TNRC6A: variants seen among roughly 807,000 people sequenced by gnomAD.
The protein encoded by TNRC6A is trinucleotide repeat containing adaptor 6A, also known as trinucleotide repeat-containing gene 6A protein.
A neutral mutation model predicts 221.2 loss-of-function variants in TNRC6A; 44 were observed. That is an observed-to-expected ratio of 0.20 (90% CI 0.16 to 0.26). TNRC6A has a LOEUF of 0.26. Ranked by LOEUF, TNRC6A falls within the 10% of genes least tolerant of loss-of-function variation. The probability of loss-of-function intolerance (pLI) is 1.00; values close to 1 mark genes in which losing one functional copy is unlikely to be tolerated. For synonymous variants in TNRC6A, 847 were observed against 838.5 expected, an observed-to-expected ratio of 1.01 and a Z score of -0.18; for missense variants, 2,199 against 2,404.4, an observed-to-expected ratio of 0.91 and a Z score of 1.79.
At chr16:24,757,707 A>C (rs1235936896) in intron 3 of TNRC6A, among the ~76,000 whole-genome samples, 1 of 152,212 alleles carries the variant, frequency 6.6e-6, no homozygotes, top group Non-Finnish European at 1.5e-5. Flanking sequence ...AGCAGAGTTC[A>C]TGTCAGTTCA....
At chr16:24,723,475 TC>T (rs1203542178) in intron 2 of TNRC6A, among the ~76,000 whole-genome samples, 3 of 151,904 alleles carry the variant, frequency 2.0e-5, no homozygotes, top group Non-Finnish European at 4.4e-5. Context: ...GAGTTTGTAA[TC>T]TCAGCTACCT....
chr16:24,820,479 A>T, intron 22 of TNRC6A, 119 bp downstream of exon 22: 1 of 868,874 alleles, frequency 1.2e-6, no homozygotes, highest in South Asian at 1.6e-5. Context: ...CATCAGGGGG[A>T]ATGAGAACTT....
chr16:24,647,874 G>C (rs1022281130), intron 2 of TNRC6A, among the ~76,000 whole-genome samples: 1 of 152,008 alleles, frequency 6.6e-6, no homozygotes, highest in Non-Finnish European at 1.5e-5. Flanking sequence ...GCCTCCCAAA[G>C]TGCTGGGATT....
intron 1 of TNRC6A, among the ~76,000 whole-genome samples, chr16:24,617,649 A>G (rs1484352086): frequency 2.6e-5 from 4 of 152,184 alleles, no homozygotes; most frequent in Non-Finnish European, 5.9e-5. Context: ...AGGTATTGAT[A>G]TTATACCCAT....
intron 4 of TNRC6A, among the ~76,000 whole-genome samples, chr16:24,771,573 TATG>T (rs1567449252): frequency 5.6e-4 from 56 of 99,346 alleles, no homozygotes; most frequent in Middle Eastern, 0.01. Flanking sequence ...TATGTTATGT[TATG>T]TTATGTTGTT....
chr16:24,762,641 A>G (rs2057388448), intron 4 of TNRC6A, among the ~76,000 whole-genome samples: 1 of 152,210 alleles, frequency 6.6e-6, no homozygotes, highest in Non-Finnish European at 1.5e-5. Context: ...ATACTAGCAC[A>G]AGGTAAGTTT....
intron 1 of TNRC6A, among the ~76,000 whole-genome samples, chr16:24,634,993 T>G (rs1901550787): frequency 6.6e-6 from 1 of 152,292 alleles, no homozygotes; most frequent in East Asian, 1.9e-4. Context: ...AGGGTCTTGC[T>G]ATGTTGCCCA....
chr16:24,808,550 A>T (rs1427447894), intron 17 of TNRC6A, among the ~76,000 whole-genome samples: 1 of 152,196 alleles, frequency 6.6e-6, no homozygotes, highest in Non-Finnish European at 1.5e-5. Flanking sequence ...AAAAATTGTC[A>T]ACTCCTGATC....
chr16:24,713,916 G>A (rs140884569), intron 2 of TNRC6A, among the ~76,000 whole-genome samples: 1 of 152,342 alleles, frequency 6.6e-6, no homozygotes, highest in African/African-American at 2.4e-5. Flanking sequence ...AAAGTGCTGG[G>A]ATTACAGGCG....
At position 24,806,232 on chromosome 16, in the gene TNRC6A, G is replaced by A. The variant is rs146019568; in HGVS notation, c.4278G>A (p.Ala1426=). The A allele has an allele frequency of 1.4e-5, 22 of 1,614,040 alleles. No homozygotes were observed. In the African/African-American group the frequency reaches 1.6e-4, roughly 12 times the overall value. The change falls in exon 16 of 25, where the codon GCG becomes GCA. Residue 1426 remains alanine (A), a synonymous_variant. Transcript: ENST00000395799. ...GATTGTTAGCGCAGCAGCAAAGGGC[G>A]CAGAGTCAGAGAAGCGTGCCTTCTG... ...LQRLLAQQQR[A]QSQRSVPSGN...
intron 10 of TNRC6A, among the ~76,000 whole-genome samples, 159 bp downstream of exon 10, chr16:24,797,729 T>A (rs2058248829): frequency 6.6e-6 from 1 of 152,234 alleles, no homozygotes; most frequent in Non-Finnish European, 1.5e-5. Context: ...TTTATGGTTT[T>A]AGCTAAAAAC....
chr16:24,808,189 G>GAA (rs1347401550), intron 17 of TNRC6A, among the ~76,000 whole-genome samples: 1 of 152,212 alleles, frequency 6.6e-6, no homozygotes, highest in East Asian at 1.9e-4. Flanking sequence ...ATCAGTGAAG[G>GAA]GAGCTGGCTC....
intron 2 of TNRC6A, among the ~76,000 whole-genome samples, chr16:24,747,862 TTGAAAA>T (rs931173089): frequency 3.9e-5 from 6 of 152,296 alleles, no homozygotes; most frequent in Admixed American, 6.5e-5. Flanking sequence ...TCAGAAAGTC[TTGAAAA>T]TGAAGTTTGA....
Position 24,790,732 on chromosome 16 carries a change from A to T in TNRC6A, c.2090A>T (p.Lys697Ile). The change falls in exon 6 of 25, where the codon AAA (lysine) becomes ATA (isoleucine). Residue 697 changes from lysine to isoleucine, a missense_variant. Around this residue, in one of 8 missense-constraint regions of TNRC6A, gnomAD observed 1,405 missense variants for 1,400.2 expected, o/e 1.00. Transcript: ENST00000395799. ...TGESQSRDRR[K>I]IDQHTLLQSI... is the part of the protein sequence containing the mutation. ...GAAAGTCAGAGTAGAGACAGAAGAA[A>T]AATTGATCAGCACACATTACTCCAA... 1 of 1,614,134 alleles carries T rather than the reference A, an allele frequency of 6.2e-7. No individual in the cohort carries two copies. Among genetic ancestry groups the T allele is most frequent in the South Asian group, 1.1e-5 (1 of 91,074 alleles).
rs1285686370 is a variant in TNRC6A at position 24,793,568 on chromosome 16, T to G, written c.3271T>G (p.Trp1091Gly). The part of the protein sequence containing the change: ...WGKPIDSGPS[W>G]GEPIAAASST... The stretch of plus-strand genomic sequence containing the variant: ...TAAGCCCATAGACAGTGGTCCCAGC[T>G]GGGGGGAACCCATTGCTGCGGCATC... Residue 1091 changes from tryptophan (W) to glycine (G), a missense_variant, in exon 7 of 25, where the codon TGG becomes GGG. This residue lies in a region of TNRC6A where 1,405 missense variants were observed against 1,400.2 expected (regional missense o/e 1.00). Coordinates refer to ENST00000395799, the MANE Select transcript of TNRC6A (RefSeq NM_014494.4). 4 of 1,572,502 alleles carry G rather than the reference T, an allele frequency of 2.5e-6. No individual in the cohort carries two copies. Among genetic ancestry groups the G allele is most frequent in the Non-Finnish European group, 3.5e-6 (4 of 1,158,634 alleles).
In TNRC6A at chr16:24,663,440, C is replaced by T. The variant is rs148385179; in HGVS notation, n.402+22431C>T. 991 of 155,728 alleles carry T rather than the reference C, an allele frequency of 6.4e-3. 7 individuals carry two copies. The highest frequency in any genetic ancestry group is 0.01 in the Non-Finnish European group (709 of 69,938). 9.6% of individuals were successfully genotyped at this position (155,728 alleles called of 1,614,324 possible). A position where few individuals can be genotyped will look rare whatever the true frequency, so the allele number is the denominator to read the frequency against. On this transcript the variant is annotated intron_variant and non_coding_transcript_variant, in intron 2 of 2. Coordinates refer to the TNRC6A transcript ENST00000566108. The stretch of plus-strand genomic sequence containing the variant: ...GCATGGTGGTTGGCACCTGTAATCC[C>T]AGCTCCTTGGGAGGCTGAAGCAGAA...
chr16:24,698,021 C>CAAAAAAAA (rs1290086269), intron 2 of TNRC6A, among the ~76,000 whole-genome samples: 1 of 78,542 alleles, frequency 1.3e-5, no homozygotes. Flanking sequence ...GGCTCTGTCT[C>CAAAAAAAA]AAAAAAAAAA....
chr16:24,745,235 T>G (rs1174139820), intron 2 of TNRC6A, among the ~76,000 whole-genome samples: 1 of 152,216 alleles, frequency 6.6e-6, no homozygotes, highest in Admixed American at 6.5e-5. Context: ...ATCTCCAACT[T>G]CCTTACCTAT....
intron 4 of TNRC6A, among the ~76,000 whole-genome samples, chr16:24,775,765 G>A (rs1207910133): frequency 6.6e-6 from 1 of 152,146 alleles, no homozygotes; most frequent in African/African-American, 2.4e-5. Context: ...TAATTCCAGG[G>A]TGGGAGCTCT....
Sources: gnomAD v4.1 joint callset for allele counts (sites outside exome capture counted in the v4.1 genomes callset) on GRCh38, gnomAD v4.1.1 for gene constraint, gnomAD v4.1.1 regional missense constraint, MANE v1.5 for transcripts, NCBI Gene and HGNC (gene_info 2026-07-23, HGNC 2026-07-21) for gene names.